The following CACNA2D4 variants were observed in gnomAD, a reference collection of about 807,000 sequenced individuals.
The protein encoded by CACNA2D4 is voltage-dependent calcium channel subunit alpha-2/delta-4.
In CACNA2D4, 157 loss-of-function variants were observed where a neutral mutation model predicts 163.8. The ratio of observed to expected loss-of-function variants is 0.96; its 90% CI spans 0.84 to 1.09. The LOEUF is 1.09. CACNA2D4 is among the 50% of genes least tolerant of loss of function. The pLI, the probability that CACNA2D4 is intolerant of heterozygous loss-of-function variation, is 0.00. For synonymous variants in CACNA2D4, 598 were observed against 586.9 expected, an observed-to-expected ratio of 1.02 and a Z score of -0.27; for missense variants, 1,410 against 1,479.9, an observed-to-expected ratio of 0.95 and a Z score of 0.78.
intron 26 of CACNA2D4, among the ~76,000 whole-genome samples, chr12:1,838,354 G>A (rs888454880): frequency 6.6e-6 from 1 of 152,076 alleles, no homozygotes; most frequent in African/African-American, 2.4e-5. Flanking sequence ...CCCCACCACA[G>A]ACACCACACT....
Position 1,801,623 on chromosome 12 carries a change from C to T in CACNA2D4, c.2743G>A (p.Val915Met). ...SRETGRFLGE[V>M]DGAVLTQLLS... ...AGCTGGGTCAGGACAGCACCATCCACCTCCCCCAGAAATCTTCCCGTCTGT... is the reference window on the plus strand; with the variant it reads ...AGCTGGGTCAGGACAGCACCATCCATCTCCCCCAGAAATCTTCCCGTCTGT... Residue 915 changes from valine (V) to methionine (M), a missense_variant, in exon 30 of 38, where the codon GTG (valine) becomes ATG (methionine). Coordinates refer to ENST00000382722, the MANE Select transcript of CACNA2D4 (RefSeq NM_172364.5). The T allele has an allele frequency of 6.3e-7, 1 of 1,587,954 alleles. No individual in the cohort carries two copies. Among genetic ancestry groups the T allele is most frequent in the Non-Finnish European group, 8.6e-7 (1 of 1,166,760 alleles).
intron 26 of CACNA2D4, among the ~76,000 whole-genome samples, chr12:1,821,694 C>A (rs536707568): frequency 1.3e-5 from 2 of 152,114 alleles, no homozygotes; most frequent in Non-Finnish European, 2.9e-5. Flanking sequence ...CTGAGTAGAG[C>A]GGGACAGTTG....
chr12:1,914,558 G>A (rs371403741), intron 2 of CACNA2D4, among the ~76,000 whole-genome samples: 9 of 152,114 alleles, frequency 5.9e-5, no homozygotes, highest in African/African-American at 1.2e-4. Flanking sequence ...CACTCCCTCC[G>A]TCTCTCCTTT....
At chr12:1,879,666 A>C in intron 14 of CACNA2D4, 138 bp downstream of exon 14, 47 of 676,796 alleles carry the variant, frequency 6.9e-5, no homozygotes, top group East Asian at 1.2e-4. Context: ...CTACTCTGGG[A>C]CAGGCCTGGA....
rs1865941584 is a variant in CACNA2D4, at chr12:1,879,176, G to A, written c.1564-140C>T. ...TTCTTCCTCTGCAATTAGATTCTAG[G>A]CTGGGAATAAAAATCTAGACTCTAT... On this transcript the variant is annotated intron_variant, in intron 14 of 37. Coordinates refer to ENST00000382722, the MANE Select transcript of CACNA2D4 (RefSeq NM_172364.5). The A allele has an allele frequency of 7.9e-6, 5 of 629,192 alleles. No individual in the cohort carries two copies. In the South Asian group the frequency reaches 8.6e-5, roughly 11 times the overall value. 39.0% of individuals were successfully genotyped at this position (629,192 alleles called of 1,614,324 possible). A position where few individuals can be genotyped will look rare whatever the true frequency, so the allele number is the denominator to read the frequency against.
At chr12:1,914,044 G>A (rs535375702) in intron 2 of CACNA2D4, among the ~76,000 whole-genome samples, 19 of 152,310 alleles carry the variant, frequency 1.2e-4, no homozygotes, top group Non-Finnish European at 2.5e-4. Flanking sequence ...GTGGGGGCCC[G>A]GGGAGCCGCC....
chr12:1,817,478 C>T (rs377077566), intron 26 of CACNA2D4, among the ~76,000 whole-genome samples: 63 of 152,256 alleles, frequency 4.1e-4, no homozygotes, highest in African/African-American at 1.5e-3. Flanking sequence ...CTCCCCTCTC[C>T]CCTCTCCCCA....
At chr12:1,797,214 C>T (rs1336938197) in intron 35 of CACNA2D4, among the ~76,000 whole-genome samples, 1 of 152,246 alleles carries the variant, frequency 6.6e-6, no homozygotes, top group Non-Finnish European at 1.5e-5. Context: ...GTCCTGCCCG[C>T]CTCAGACCGT....
At chr12:1,870,912 G>A (rs559992813) in intron 18 of CACNA2D4, among the ~76,000 whole-genome samples, 1 of 152,270 alleles carries the variant, frequency 6.6e-6, no homozygotes, top group South Asian at 2.1e-4. Flanking sequence ...GAGAGAGAGA[G>A]AAAGACAGTG....
At position 1,828,114 on chromosome 12, in the gene CACNA2D4, A is replaced by T. The variant is rs1239923971; in HGVS notation, c.2551+12625T>A. 3.3e-5 allele frequency: 50 copies of T among 1,502,048 alleles called. No individual in the cohort carries two copies. Among genetic ancestry groups the T allele is most frequent in the Non-Finnish European group, 4.5e-5 (50 of 1,121,812 alleles). 93.0% of individuals were successfully genotyped at this position (1,502,048 alleles called of 1,614,324 possible). A position where few individuals can be genotyped will look rare whatever the true frequency, so the allele number is the denominator to read the frequency against. ...CGCACCCAGGGGCTCCTCTCTCCCCAGAGCGACAGGGCCCGGAGAGCCGTG... is the reference window on the plus strand; with the variant it reads ...CGCACCCAGGGGCTCCTCTCTCCCCTGAGCGACAGGGCCCGGAGAGCCGTG... On this transcript the variant is annotated intron_variant, in intron 26 of 37. Coordinates refer to ENST00000382722, the MANE Select transcript of CACNA2D4 (RefSeq NM_172364.5). The surrounding 1 kb of genome is among the most constrained non-coding windows in gnomAD (Gnocchi z 4.2).
intron 20 of CACNA2D4, among the ~76,000 whole-genome samples, chr12:1,857,865 A>G (rs1379715421): frequency 6.6e-6 from 1 of 152,226 alleles, no homozygotes; most frequent in Non-Finnish European, 1.5e-5. Context: ...AATCAAATTA[A>G]GATGAGATCA....
At chr12:1,817,594 C>A (rs1863919341) in intron 26 of CACNA2D4, among the ~76,000 whole-genome samples, 1 of 152,220 alleles carries the variant, frequency 6.6e-6, no homozygotes, top group South Asian at 2.1e-4. Context: ...CCTGATTCTC[C>A]TGCCTCAGCC....
intron 3 of CACNA2D4, 88 bp from the exon 4 acceptor site, chr12:1,910,053 G>GGAGTGGGATTGCTGGGTCA: frequency 9.7e-7 from 1 of 1,033,636 alleles, no homozygotes; most frequent in Non-Finnish European, 1.5e-6. Context: ...GGGTGACCCA[G>GGAGTGGGATTGCTGGGTCA]CAATCCCACT....
intron 37 of CACNA2D4, 22 bp downstream of exon 37, chr12:1,795,277 C>G (rs376045048): frequency 1.2e-6 from 2 of 1,610,636 alleles, no homozygotes; most frequent in South Asian, 1.1e-5. Flanking sequence ...CCAGCCCACC[C>G]TCGATCCGCC....
At chr12:1,845,753 AGCCTTGG>A (rs1039462615) in intron 24 of CACNA2D4, among the ~76,000 whole-genome samples, 2 of 152,176 alleles carry the variant, frequency 1.3e-5, no homozygotes, top group African/African-American at 4.8e-5. Flanking sequence ...CCCAGAACCC[AGCCTTGG>A]CTTAGAGCAG....
chr12:1,797,643 T>C, intron 34 of CACNA2D4, 108 bp from the exon 35 acceptor site: 1 of 795,164 alleles, frequency 1.3e-6, no homozygotes, highest in Non-Finnish European at 2.1e-6. Flanking sequence ...TTGCAGAGGG[T>C]CCCTCCTCAG....
In CACNA2D4 at chr12:1,875,677, T is replaced by A. The variant is rs1163254216; in HGVS notation, c.1720-340A>T. ...GAAATCCATCTCCCTGTTACTTCCA[T>A]CCACTGATCTTCCTTCTTTCCCCTG... On this transcript the variant is annotated intron_variant, in intron 16 of 37. Transcript: ENST00000382722. This position sits in a 1 kb window ranked among gnomAD's most constrained non-coding sequence, Gnocchi z 4.0. 6.6e-6 allele frequency among the ~76,000 whole-genome samples: 1 copy of A among 152,184 alleles called. No homozygotes were observed. The highest frequency in any genetic ancestry group is 1.5e-5 in the Non-Finnish European group (1 of 68,030).
chr12:1,893,355 A>C (rs1437306622), intron 6 of CACNA2D4, among the ~76,000 whole-genome samples: 1 of 152,080 alleles, frequency 6.6e-6, no homozygotes, highest in Non-Finnish European at 1.5e-5. Context: ...ATCTCTACTA[A>C]AAATACAAAA....
rs1862991529 is a variant in CACNA2D4, at chr12:1,792,017, A to C, written c.*1638T>G. 3 of 152,260 alleles carry C rather than the reference A, an allele frequency of 2.0e-5. No homozygotes were observed. In the South Asian group the frequency reaches 6.2e-4, roughly 31 times the overall value. The allele number at this position is 152,260 out of a possible 1,614,324, so 9.4% of individuals were successfully genotyped here. A position where few individuals can be genotyped will look rare whatever the true frequency, so the allele number is the denominator to read the frequency against. On this transcript the variant is annotated 3_prime_UTR_variant, in exon 38 of 38. Coordinates refer to ENST00000382722, the MANE Select transcript of CACNA2D4 (RefSeq NM_172364.5). ...TAGTATATGCCAGGCAGTTTCAAGCATGTTACGTGAATACATCACATTCAA... is the reference window on the plus strand; with the variant it reads ...TAGTATATGCCAGGCAGTTTCAAGCCTGTTACGTGAATACATCACATTCAA...
Sources: allele counts gnomAD v4.1 joint callset (sites outside exome capture counted in the v4.1 genomes callset), GRCh38; gene constraint gnomAD v4.1.1; non-coding constraint Gnocchi (gnomAD v3.1); transcripts MANE v1.5; gene names NCBI Gene and HGNC (gene_info 2026-07-23, HGNC 2026-07-21).